NARS1: variants seen among roughly 807,000 people sequenced by gnomAD.
The protein encoded by NARS1 is asparaginyl-tRNA synthetase 1.
Under a neutral mutation model 79.2 loss-of-function variants are expected in NARS1, and 65 were observed. The observed-to-expected ratio is 0.82, with a 90% confidence interval of 0.67 to 1.01. The LOEUF is 1.01. Ranked by LOEUF, NARS1 falls within the 50% of genes least tolerant of loss-of-function variation. NARS1 has a pLI of 0.00. For synonymous variants in NARS1, 229 were observed against 238.8 expected (o/e 0.96, Z 0.38); for missense variants, 649 against 673.8 (o/e 0.96, Z 0.41).
intron 6 of NARS1, among the ~76,000 whole-genome samples, chr18:57,610,919 T>C (rs765720558): frequency 2.0e-4 from 31 of 151,890 alleles, no homozygotes; most frequent in Non-Finnish European, 4.3e-4. Flanking sequence ...TATTTAGTAG[T>C]TGTATTAATT....
chr18:57,605,364 T>C (rs2051544921), intron 11 of NARS1, among the ~76,000 whole-genome samples: 1 of 151,374 alleles, frequency 6.6e-6, no homozygotes, highest in African/African-American at 2.4e-5. Flanking sequence ...ATCCCAGCAC[T>C]TTGGGAGGCT....
At chr18:57,605,163 C>T (rs1434927940) in intron 11 of NARS1, among the ~76,000 whole-genome samples, 1 of 143,196 alleles carries the variant, frequency 7.0e-6, no homozygotes, top group African/African-American at 2.6e-5. Context: ...ATCTATATAC[C>T]AACATTTTGC....
chr18:57,607,158 G>A lies in NARS1; in HGVS notation c.977C>T (p.Ser326Phe). The A allele has an allele frequency of 6.2e-7, 1 of 1,613,972 alleles. No homozygotes were observed. Among genetic ancestry groups the A allele is most frequent in the Non-Finnish European group, 8.5e-7 (1 of 1,179,984 alleles). The change falls in exon 9 of 14, where the codon TCC (serine) becomes TTC (phenylalanine). Residue 326 changes from serine (S) to phenylalanine (F), a missense_variant. Ser to Phe is a radical substitution (Grantham distance 155). Coordinates refer to ENST00000256854, the MANE Select transcript of NARS1 (RefSeq NM_004539.4). ...CTCAGCCAGGTGCCTTCGTGTTCTG[G>A]ACTGCTCTGCCCGGTATGACTGAGC... ...CIAQSYRAEQ[S>F]RTRRHLAEYT...
chr18:57,616,410 ACT>A (rs1168761364), intron 2 of NARS1, among the ~76,000 whole-genome samples: 2 of 146,894 alleles, frequency 1.4e-5, no homozygotes, highest in African/African-American at 5.1e-5. Flanking sequence ...ACAGAGCGAG[ACT>A]CTGTCTCAAG....
intron 2 of NARS1, 147 bp from the exon 3 acceptor site, chr18:57,616,122 A>C: frequency 1.4e-6 from 1 of 723,886 alleles, no homozygotes; most frequent in Non-Finnish European, 2.2e-6. Flanking sequence ...TGACTGGTTG[A>C]ACATTTAAGA....
chr18:57,602,906 GT>G lies in NARS1; in HGVS notation c.1288del (p.Thr430ProfsTer36). On this transcript the variant is annotated frameshift_variant, in exon 12 of 14. Coordinates refer to ENST00000256854, the MANE Select transcript of NARS1 (RefSeq NM_004539.4). LOFTEE classifies it high-confidence loss of function. ...ACACAGCAAGATTGGTTCATTAATGGTGTCTGTCATCAGTCTCTCAGGAGCT... is the reference window on the plus strand; with the variant it reads ...ACACAGCAAGATTGGTTCATTAATGGGTCTGTCATCAGTCTCTCAGGAGCT... The part of the protein sequence containing the change: ...PEAPERLMTD[T>X]INEPILLCRF... The G allele has an allele frequency of 1.2e-6, 2 of 1,614,040 alleles. No homozygotes were observed. The highest frequency in any genetic ancestry group is 1.7e-6 in the Non-Finnish European group (2 of 1,179,962).
chr18:57,608,681 T>C (rs911394172), intron 7 of NARS1, among the ~76,000 whole-genome samples: 3 of 152,224 alleles, frequency 2.0e-5, no homozygotes, highest in South Asian at 2.1e-4. Flanking sequence ...GGAAAAGGCA[T>C]AGTGAATTTG....
chr18:57,607,408 C>G, intron 8 of NARS1, 36 bp downstream of exon 8: 1 of 1,610,718 alleles, frequency 6.2e-7, no homozygotes, highest in Non-Finnish European at 8.5e-7. Context: ...CGGCAAAAAA[C>G]ATATTCTTTG....
At chr18:57,609,867 A>G (rs1411871751) in intron 6 of NARS1, among the ~76,000 whole-genome samples, 2 of 151,560 alleles carry the variant, frequency 1.3e-5, no homozygotes, top group Admixed American at 6.6e-5. Flanking sequence ...ACCAGCCTGG[A>G]CAACAAAGGG....
At chr18:57,616,996 C>T (rs562928608) in intron 2 of NARS1, among the ~76,000 whole-genome samples, 1 of 142,482 alleles carries the variant, frequency 7.0e-6, no homozygotes, top group Non-Finnish European at 1.5e-5. Flanking sequence ...AAGCTAAACT[C>T]ATTTAATCTG....
intron 11 of NARS1, among the ~76,000 whole-genome samples, chr18:57,603,920 C>T (rs1166264167): frequency 6.8e-6 from 1 of 146,726 alleles, no homozygotes; most frequent in African/African-American, 2.5e-5. Context: ...GTCATGTATC[C>T]ACTCTAGTGT....
chr18:57,612,495 G>A lies in NARS1; in HGVS notation c.422-788C>T, dbSNP rs139261795. Among the ~76,000 whole-genome samples, 447 of 152,196 alleles carry A rather than the reference G, an allele frequency of 2.9e-3. 9 individuals are homozygous for A. The highest frequency in any genetic ancestry group is 0.026 in the East Asian group (135 of 5,172). ...TTGTCGCCCAGGCTAGAGTGCAATG[G>A]CATGATCTCGGCTCACTGCAACCTC... is the stretch of plus-strand genomic sequence containing the variant. On this transcript the variant is annotated intron_variant, in intron 5 of 13. Coordinates refer to ENST00000256854, the MANE Select transcript of NARS1 (RefSeq NM_004539.4).
rs117357249 is a variant in NARS1 at position 57,603,352 on chromosome 18, G to A, written c.1252-409C>T. Among the ~76,000 whole-genome samples the A allele has an allele frequency of 9.0e-3, 1,120 of 125,014 alleles. 7 individuals are homozygous for A. Among genetic ancestry groups the A allele is most frequent in the Admixed American group, 0.041 (527 of 12,818 alleles). 82.0% of individuals were successfully genotyped at this position (125,014 alleles called of 152,430 possible). A position where few individuals can be genotyped will look rare whatever the true frequency, so the allele number is the denominator to read the frequency against. ...CGTAAGGCATACGGTAATCATGAAT[G>A]CTCCAGAACATCATTGATCTACACA... is the stretch of plus-strand genomic sequence containing the variant. On this transcript the variant is annotated intron_variant, in intron 11 of 13. Transcript: ENST00000256854.
At chr18:57,603,431 C>T (rs916561375) in intron 11 of NARS1, among the ~76,000 whole-genome samples, 16 of 152,200 alleles carry the variant, frequency 1.1e-4, no homozygotes, top group African/African-American at 3.9e-4. Context: ...ATCTACCCTT[C>T]TTTCCTGTTG....
intron 9 of NARS1, 134 bp from the exon 10 acceptor site, chr18:57,606,885 T>C: frequency 1.8e-6 from 2 of 1,140,326 alleles, no homozygotes; most frequent in Non-Finnish European, 2.5e-6. Flanking sequence ...AAATTAGCTG[T>C]GGACTCCCCT....
chr18:57,613,408 G>C (rs953045930), intron 5 of NARS1, among the ~76,000 whole-genome samples, 194 bp downstream of exon 5: 5 of 152,098 alleles, frequency 3.3e-5, no homozygotes, highest in Admixed American at 6.6e-5. Context: ...CAGGAGAATT[G>C]CTTGAACCTG....
chr18:57,621,176 G>A (rs941195511), intron 1 of NARS1, among the ~76,000 whole-genome samples: 1 of 151,928 alleles, frequency 6.6e-6, no homozygotes, highest in Non-Finnish European at 1.5e-5. Flanking sequence ...AAAGGAAACA[G>A]AAGCTCTGAG....
At chr18:57,610,965 C>CTTT (rs773482503) in intron 6 of NARS1, among the ~76,000 whole-genome samples, 12 of 126,182 alleles carry the variant, frequency 9.5e-5, no homozygotes, top group Non-Finnish European at 1.7e-4. Context: ...TGACTATTAT[C>CTTT]TTTTTTTTTT....
Position 57,613,684 on chromosome 18 carries a change from T to C in NARS1, c.343-4A>G, listed in dbSNP as rs1488567642. 5 of 1,611,608 alleles carry C rather than the reference T, an allele frequency of 3.1e-6. No homozygotes were observed. In the East Asian group the frequency reaches 1.1e-4, roughly 36 times the overall value. ...CTTCTAACGCACCAATCTTCACCTG[T>C]CAAATTGAAATAAACAACATTTGTT... On this transcript the variant is annotated splice_region_variant and splice_polypyrimidine_tract_variant and intron_variant, in intron 4 of 13. Coordinates refer to ENST00000256854, the MANE Select transcript of NARS1 (RefSeq NM_004539.4).
Sources: allele counts gnomAD v4.1 joint callset (sites outside exome capture counted in the v4.1 genomes callset), GRCh38; gene constraint gnomAD v4.1.1; transcripts MANE v1.5; gene names NCBI Gene and HGNC (gene_info 2026-07-23, HGNC 2026-07-21).